The following RAD51B variants were observed in gnomAD, a reference collection of about 807,000 sequenced individuals.
The protein encoded by RAD51B is DNA repair protein RAD51 homolog 2.
RAD51B carries 38 observed loss-of-function variants against 42.2 expected under a neutral mutation model. The observed-to-expected ratio is 0.90, with a 90% CI of 0.70 to 1.18. The LOEUF (loss-of-function observed/expected upper bound fraction) is 1.18. Ranked by LOEUF, RAD51B falls within the 50% of genes most tolerant of loss-of-function variation. RAD51B has a pLI of 0.00. For missense variants in RAD51B, 373 were observed against 400.7 expected (o/e 0.93, Z 0.59); for synonymous variants, 154 against 145.2 (o/e 1.06, Z -0.43).
At chr14:67,838,257 G>A (rs981318936) in intron 4 of RAD51B, among the ~76,000 whole-genome samples, 1 of 152,082 alleles carries the variant, frequency 6.6e-6, no homozygotes, top group East Asian at 1.9e-4. Context: ...AAATGGGAGC[G>A]TAGATTGACA....
chr14:67,918,391 C>T lies in RAD51B; in HGVS notation c.756+31187C>T, dbSNP rs564929319. ...CTGGGATTGTGGGCATGCACCATCA[C>T]ACCCGGCTAATTTTTGTATTTTTAG... On this transcript the variant is annotated intron_variant, in intron 7 of 10. Transcript: ENST00000471583. 2.6e-5 allele frequency among the ~76,000 whole-genome samples: 4 copies of T among 152,204 alleles called. No individual in the cohort carries two copies. In the South Asian group the frequency reaches 8.3e-4, roughly 32 times the overall value.
intron 8 of RAD51B, among the ~76,000 whole-genome samples, chr14:68,375,447 T>G (rs2083348617): frequency 6.6e-6 from 1 of 152,184 alleles, no homozygotes; most frequent in South Asian, 2.1e-4. Context: ...ATATGCAGCG[T>G]CCTCTGCCTC....
intron 7 of RAD51B, among the ~76,000 whole-genome samples, chr14:67,996,504 A>T (rs1313053760): frequency 6.6e-6 from 1 of 152,170 alleles, no homozygotes; most frequent in Non-Finnish European, 1.5e-5. Flanking sequence ...GAAGTAAGCC[A>T]TGAGAATATT....
chr14:68,617,654 T>C (rs1268353866), intron 10 of RAD51B, among the ~76,000 whole-genome samples: 1 of 152,216 alleles, frequency 6.6e-6, no homozygotes, highest in Non-Finnish European at 1.5e-5. Context: ...CTTGGGATAT[T>C]GTTTCCCCTG....
intron 8 of RAD51B, among the ~76,000 whole-genome samples, chr14:68,324,781 T>C (rs1748974234): frequency 6.6e-6 from 1 of 152,206 alleles, no homozygotes; most frequent in South Asian, 2.1e-4. Context: ...TTATATCACC[T>C]CCTAGGCTGC....
At chr14:68,270,925 A>T (rs2081092859) in intron 7 of RAD51B, among the ~76,000 whole-genome samples, 1 of 152,192 alleles carries the variant, frequency 6.6e-6, no homozygotes, top group South Asian at 2.1e-4. Flanking sequence ...ATAAGATGTT[A>T]AAGGATTTCT....
rs1200677358 is a variant in RAD51B, at chr14:68,594,717, T to C, written c.*114T>C. 5 of 1,261,934 alleles carry C rather than the reference T, an allele frequency of 4.0e-6. No individual in the cohort carries two copies. In the East Asian group the frequency reaches 1.5e-4, roughly 37 times the overall value. The allele number at this position is 1,261,934 out of a possible 1,614,324, so 78.2% of individuals were successfully genotyped here. Reference sequence around the variant, plus strand: ...GCGCTAGGATTACAAGTATGAGACTTTGCCATTCCAATGAGAATTTTGTCC... The same window carrying C: ...GCGCTAGGATTACAAGTATGAGACTCTGCCATTCCAATGAGAATTTTGTCC... On this transcript the variant is annotated 3_prime_UTR_variant, in exon 11 of 11. Coordinates refer to the RAD51B transcript ENST00000487270.
intron 7 of RAD51B, among the ~76,000 whole-genome samples, chr14:67,931,164 G>A (rs554979907): frequency 2.6e-5 from 4 of 152,090 alleles, no homozygotes; most frequent in African/African-American, 4.8e-5. Context: ...CTCGTGATCC[G>A]CCTGCCTTGG....
At chr14:68,529,666 C>T (rs1406307334) in intron 10 of RAD51B, among the ~76,000 whole-genome samples, 1 of 152,154 alleles carries the variant, frequency 6.6e-6, no homozygotes, top group African/African-American at 2.4e-5. Context: ...TCTACAAAAT[C>T]TCTAGGATAG....
In RAD51B at chr14:68,675,740, T is replaced by C. The variant is rs1893289062; in HGVS notation, c.*11+24884T>C. Among the ~76,000 whole-genome samples the C allele has an allele frequency of 2.0e-5, 3 of 152,356 alleles. No individual in the cohort carries two copies. In the South Asian group the frequency reaches 6.2e-4, roughly 32 times the overall value. ...GGACAATTCCACAGACACTGTGCCATTGCCTTGGGCCTTCAGAGCTCCGAG... is the reference window on the plus strand; with the variant it reads ...GGACAATTCCACAGACACTGTGCCACTGCCTTGGGCCTTCAGAGCTCCGAG... On this transcript the variant is annotated intron_variant, in intron 11 of 11. Coordinates refer to the RAD51B transcript ENST00000488612.
At chr14:68,014,121 T>A (rs999001501) in intron 7 of RAD51B, among the ~76,000 whole-genome samples, 2 of 152,136 alleles carry the variant, frequency 1.3e-5, no homozygotes, top group African/African-American at 4.8e-5. Context: ...GCGTTATTTT[T>A]AAATCTCCAT....
At chr14:68,639,475 G>A (rs569271418) in intron 10 of RAD51B, among the ~76,000 whole-genome samples, 62 of 152,340 alleles carry the variant, frequency 4.1e-4, no homozygotes, top group South Asian at 8.3e-4. Context: ...GGTAGTCCCT[G>A]GTGGGCTACA....
chr14:68,041,863 C>G (rs2076223405), intron 7 of RAD51B, among the ~76,000 whole-genome samples: 1 of 152,324 alleles, frequency 6.6e-6, no homozygotes, highest in East Asian at 1.9e-4. Context: ...TGTTTCCATT[C>G]TACCTTGCAG....
downstream of RAD51B, among the ~76,000 whole-genome samples, chr14:68,600,964 G>A (rs1287509955): frequency 6.6e-6 from 1 of 150,474 alleles, no homozygotes; most frequent in Non-Finnish European, 1.5e-5. Flanking sequence ...GAATTCTTGT[G>A]TGTGGGTACC....
chr14:67,900,631 A>G (rs927477273), intron 7 of RAD51B, among the ~76,000 whole-genome samples: 3 of 127,998 alleles, frequency 2.3e-5, no homozygotes, highest in Non-Finnish European at 4.8e-5. Context: ...TGTGTCATAC[A>G]CACACACACA....
intron 7 of RAD51B, among the ~76,000 whole-genome samples, chr14:68,008,939 G>A (rs1360936134): frequency 6.6e-6 from 1 of 151,936 alleles, no homozygotes; most frequent in Non-Finnish European, 1.5e-5. Flanking sequence ...CTGTCGTAGA[G>A]ATACGCAGCA....
intron 7 of RAD51B, among the ~76,000 whole-genome samples, chr14:67,903,132 A>G (rs1229404846): frequency 1.3e-5 from 2 of 152,184 alleles, no homozygotes; most frequent in Non-Finnish European, 2.9e-5. Flanking sequence ...TGCTGGGATT[A>G]CAGGCGTGAG....
chr14:67,838,014 A>G (rs1049861375), intron 4 of RAD51B, among the ~76,000 whole-genome samples: 24 of 152,166 alleles, frequency 1.6e-4, no homozygotes, highest in African/African-American at 5.8e-4. Context: ...CAATTTTTTT[A>G]GCTTCTACAT....
chr14:68,117,784 A>T (rs887663884), intron 7 of RAD51B, among the ~76,000 whole-genome samples: 3 of 152,198 alleles, frequency 2.0e-5, no homozygotes, highest in African/African-American at 7.2e-5. Flanking sequence ...TAAATATACC[A>T]TAAGGTACAC....
Sources: gnomAD v4.1 joint callset for allele counts (sites outside exome capture counted in the v4.1 genomes callset) on GRCh38, gnomAD v4.1.1 for gene constraint, MANE v1.5 for transcripts, NCBI Gene and HGNC (gene_info 2026-07-23, HGNC 2026-07-21) for gene names.